Variants in RTL4 observed in about 807,000 individuals in gnomAD.
The protein encoded by RTL4 is retrotransposon Gag-like protein 4.
In RTL4, 4 loss-of-function variants were observed where a neutral mutation model predicts 5.3. The ratio of observed to expected loss-of-function variants is 0.75; its 90% CI spans 0.37 to 1.72. The LOEUF is 1.72. Among genes scored for constraint, RTL4 ranks in the 40% most tolerant of loss-of-function variants. The pLI is 0.04. For synonymous variants in RTL4, 98 were observed against 87.3 expected (o/e 1.12, Z -0.68); for missense variants, 260 against 227.1 (o/e 1.14, Z -0.93).
At chrX:112,233,582 A>G in the RTL4 span, among the ~76,000 whole-genome samples, 1 of 111,670 alleles carries the variant, frequency 9.0e-6, no homozygotes, top group African/African-American at 3.3e-5. Context: ...TTTTAACTCT[A>G]AAACTTTTAT....
chrX:112,093,468 G>C, the RTL4 span, among the ~76,000 whole-genome samples: 1 of 111,127 alleles, frequency 9.0e-6, no homozygotes, highest in South Asian at 3.8e-4. Flanking sequence ...ATGCTAATTA[G>C]AGTATCCCTC....
At chrX:112,378,101 G>C in the RTL4 span, among the ~76,000 whole-genome samples, 1 of 111,411 alleles carries the variant, frequency 9.0e-6, no homozygotes, top group Admixed American at 9.6e-5. Flanking sequence ...GCACAAGTAA[G>C]CTGCACGAGT....
chrX:112,429,415 A>G, the RTL4 span, among the ~76,000 whole-genome samples: 2 of 111,062 alleles, frequency 1.8e-5, no homozygotes, highest in African/African-American at 3.3e-5. Flanking sequence ...TTTAAATAAC[A>G]CCATACCATT....
chrX:112,234,505 A>G, the RTL4 span, among the ~76,000 whole-genome samples: 2 of 111,471 alleles, frequency 1.8e-5, no homozygotes, highest in Non-Finnish European at 3.8e-5. Context: ...ATTCCTGGGG[A>G]CTAGGAGCCC....
chrX:112,217,536 C>T, the RTL4 span, among the ~76,000 whole-genome samples: 1 of 111,864 alleles, frequency 8.9e-6, no homozygotes, highest in Non-Finnish European at 1.9e-5. Context: ...ATTCATTGAT[C>T]TCCTTGGATT....
the RTL4 span, among the ~76,000 whole-genome samples, chrX:112,232,752 T>G: frequency 8.9e-6 from 1 of 111,773 alleles, no homozygotes; most frequent in African/African-American, 3.3e-5. Flanking sequence ...CTCTTTTCTT[T>G]GCTTTTTGGA....
At chrX:112,383,716 A>G in the RTL4 span, among the ~76,000 whole-genome samples, 1 of 111,916 alleles carries the variant, frequency 8.9e-6, no homozygotes, top group Non-Finnish European at 1.9e-5. Context: ...GCTGGAGGCC[A>G]TTATCCTAAG....
chrX:112,114,137 G>C, the RTL4 span, among the ~76,000 whole-genome samples: 3 of 111,598 alleles, frequency 2.7e-5, no homozygotes, highest in Non-Finnish European at 1.9e-5. Flanking sequence ...CTCGAGGAAG[G>C]CAGAAGGATT....
At chrX:112,241,879 G>A in the RTL4 span, among the ~76,000 whole-genome samples, 35 of 112,087 alleles carry the variant, frequency 3.1e-4, no homozygotes, top group African/African-American at 1.1e-3. Flanking sequence ...TGTATAAGGT[G>A]TAAGGAAGGG....
the RTL4 span, among the ~76,000 whole-genome samples, chrX:112,212,385 AT>A: frequency 1.8e-5 from 2 of 112,490 alleles, no homozygotes; most frequent in African/African-American, 6.5e-5. Flanking sequence ...CAAAAAAAAA[AT>A]AAAATAAAAA....
At chrX:112,277,129 A>G in the RTL4 span, among the ~76,000 whole-genome samples, 16 of 111,625 alleles carry the variant, frequency 1.4e-4, no homozygotes, top group Non-Finnish European at 2.8e-4. Flanking sequence ...TCTTGGGTCC[A>G]GGGAAAGCTT....
At chrX:112,400,203 C>T in the RTL4 span, among the ~76,000 whole-genome samples, 77 of 111,028 alleles carry the variant, frequency 6.9e-4, no homozygotes, top group Admixed American at 2.5e-3. Context: ...CTTCAGAGAC[C>T]CCCAGTTATA....
the RTL4 span, among the ~76,000 whole-genome samples, chrX:112,114,909 G>T: frequency 9.0e-6 from 1 of 111,336 alleles, no homozygotes; most frequent in African/African-American, 3.3e-5. Flanking sequence ...GGATAGTATT[G>T]TAATTTATAC....
At chrX:112,215,003 TG>T in the RTL4 span, among the ~76,000 whole-genome samples, 1 of 111,615 alleles carries the variant, frequency 9.0e-6, no homozygotes, top group African/African-American at 3.3e-5. Context: ...TTAGCCAGGA[TG>T]GTCTCGATCT....
upstream of RTL4, among the ~76,000 whole-genome samples, chrX:112,450,860 C>T (rs1009560240): frequency 9.0e-6 from 1 of 111,640 alleles, no homozygotes; most frequent in Non-Finnish European, 1.9e-5. Flanking sequence ...TGTAAAGGTC[C>T]GTGTAATCTC....
the RTL4 span, among the ~76,000 whole-genome samples, chrX:112,137,746 C>G: frequency 9.0e-6 from 1 of 111,434 alleles, no homozygotes; most frequent in Non-Finnish European, 1.9e-5. Context: ...AAAAAGATAA[C>G]AAGTGTTAGC....
chrX:112,456,107 T>G (rs1424759707), exon 1 of RTL4: 3 of 275,245 alleles, frequency 1.1e-5, no homozygotes, highest in Non-Finnish European at 1.9e-5. Context: ...AGTTTCCTGT[T>G]GGCTTAGGAC....
the RTL4 span, among the ~76,000 whole-genome samples, chrX:112,312,056 C>A: frequency 2.0e-4 from 22 of 111,616 alleles, no homozygotes; most frequent in African/African-American, 7.1e-4. Context: ...ATAATATTAA[C>A]AATAATATTG....
the RTL4 span, among the ~76,000 whole-genome samples, chrX:112,366,441 C>T: frequency 9.0e-6 from 1 of 111,566 alleles, no homozygotes; most frequent in East Asian, 2.8e-4. Context: ...CCCCAGTCCC[C>T]TCCCTGCCTA....
Sources: allele counts gnomAD v4.1 joint callset (sites outside exome capture counted in the v4.1 genomes callset), GRCh38; gene constraint gnomAD v4.1.1; transcripts MANE v1.5; gene names NCBI Gene and HGNC (gene_info 2026-07-23, HGNC 2026-07-21).